The following MYOM2 variants were observed in gnomAD, a reference collection of about 807,000 sequenced individuals.
MYOM2 encodes myomesin 2.
A neutral mutation model predicts 187.6 loss-of-function variants in MYOM2; 254 were observed. The ratio of observed to expected loss-of-function variants is 1.35; its 90% CI spans 1.22 to 1.50. The LOEUF (loss-of-function observed/expected upper bound fraction) is 1.50. Ranked by LOEUF, MYOM2 falls within the 40% of genes most tolerant of loss-of-function variation. The pLI, the probability that MYOM2 is intolerant of heterozygous loss-of-function variation, is 0.00. For missense variants in MYOM2, 2,796 were observed against 1,924.0 expected, an observed-to-expected ratio of 1.45 and a Z score of -8.48; for synonymous variants, 981 against 753.8, an observed-to-expected ratio of 1.30 and a Z score of -4.94.
Position 2,050,871 on chromosome 8 carries a change from AAAGT to A in MYOM2, c.107+2_107+5del, listed in dbSNP as rs879067553. 3.1e-6 allele frequency: 5 copies of A among 1,607,740 alleles called. No individual in the cohort carries two copies. Among genetic ancestry groups the A allele is most frequent in the East Asian group, 2.2e-5 (1 of 44,610 alleles). ...ACCTGCTGGACGAATATGCGTCAAA[AAAGT>A]AAGCTGACATTCGCTGATGAGACGC... is the stretch of plus-strand genomic sequence containing the variant. On this transcript the variant is annotated splice_donor_variant and coding_sequence_variant, in exon 2 of 37. Coordinates refer to ENST00000262113, the MANE Select transcript of MYOM2 (RefSeq NM_003970.4). LOFTEE classifies it high-confidence loss of function.
intron 32 of MYOM2, among the ~76,000 whole-genome samples, chr8:2,139,112 A>G (rs1326621326): frequency 6.6e-6 from 1 of 151,180 alleles, no homozygotes; most frequent in Non-Finnish European, 1.5e-5. Flanking sequence ...CCACCACCAG[A>G]GACCGGGACG....
intron 31 of MYOM2, among the ~76,000 whole-genome samples, chr8:2,125,272 A>G (rs553279690): frequency 1.1e-4 from 17 of 152,306 alleles, no homozygotes; most frequent in Admixed American, 5.9e-4. Context: ...TCCATGTGGC[A>G]TAAGTTAAAG....
At chr8:2,140,013 C>G (rs1798219672) in intron 32 of MYOM2, among the ~76,000 whole-genome samples, 1 of 152,110 alleles carries the variant, frequency 6.6e-6, no homozygotes, top group Non-Finnish European at 1.5e-5. Flanking sequence ...CCACCACCAC[C>G]CAGGACCTTT....
intron 20 of MYOM2, chr8:2,102,331 C>G (rs1034083088): frequency 4.5e-6 from 1 of 223,646 alleles, no homozygotes; most frequent in South Asian, 1.1e-4. Context: ...AAATATCACA[C>G]TTAAAATAGT....
intron 32 of MYOM2, among the ~76,000 whole-genome samples, chr8:2,135,602 G>T (rs1166883501): frequency 6.6e-6 from 1 of 152,106 alleles, no homozygotes; most frequent in African/African-American, 2.4e-5. Flanking sequence ...GAGCAGAAAC[G>T]TGTGCTTTCT....
At chr8:2,101,131 A>G in intron 20 of MYOM2, 77 bp downstream of exon 20, 5 of 1,486,632 alleles carry the variant, frequency 3.4e-6, no homozygotes, top group Non-Finnish European at 4.6e-6. Context: ...CAATCACTTG[A>G]GGTCAGGAGT....
intron 10 of MYOM2, among the ~76,000 whole-genome samples, chr8:2,075,635 C>A (rs1205584312): frequency 2.0e-5 from 3 of 152,196 alleles, no homozygotes; most frequent in Non-Finnish European, 4.4e-5. Context: ...TGTAATTAAA[C>A]CTAATTGCAT....
intron 32 of MYOM2, among the ~76,000 whole-genome samples, chr8:2,134,955 AGGACT>A (rs963542649): frequency 6.6e-6 from 1 of 152,144 alleles, no homozygotes; most frequent in African/African-American, 2.4e-5. Flanking sequence ...CTCTGGAGAC[AGGACT>A]GGGTGATGTG....
At chr8:2,049,925 C>G (rs1026710435) in intron 1 of MYOM2, among the ~76,000 whole-genome samples, 20 of 152,260 alleles carry the variant, frequency 1.3e-4, no homozygotes, top group African/African-American at 4.6e-4. Flanking sequence ...CTCGAATTTC[C>G]CCACATCCCT....
At position 2,142,891 on chromosome 8, in the gene MYOM2, G is replaced by A. The variant is rs868812330; in HGVS notation, c.4024+494G>A. On this transcript the variant is annotated intron_variant, in intron 35 of 36. Transcript: ENST00000262113. ...CTGCCTCAACTTCCCGAGTAGCTGGGATTACAGGCACCCGCCATCATGCCC... is the reference window on the plus strand; with the variant it reads ...CTGCCTCAACTTCCCGAGTAGCTGGAATTACAGGCACCCGCCATCATGCCC... 1.4e-4 allele frequency among the ~76,000 whole-genome samples: 21 copies of A among 151,814 alleles called. 1 individual carries two copies. Among genetic ancestry groups the A allele is most frequent in the African/African-American group, 4.6e-4 (19 of 41,392 alleles).
Position 2,079,552 on chromosome 8 carries a change from C to G in MYOM2, c.1463-8C>G, listed in dbSNP as rs1440291. 383,364 of 1,611,860 alleles carry G rather than the reference C, an allele frequency of 0.24. 46,846 individuals are homozygous for G. The highest frequency in any genetic ancestry group is 0.26 in the African/African-American group (19,372 of 74,850). ...TGTCAAATCGAGTGTCAACCTTTCT[C>G]TCCGCAGCCGTTCATTTGGAGGGAG... On this transcript the variant is annotated splice_polypyrimidine_tract_variant and splice_region_variant and intron_variant, in intron 12 of 36. Coordinates refer to ENST00000262113, the MANE Select transcript of MYOM2 (RefSeq NM_003970.4).
At chr8:2,075,834 G>A (rs766107821) in intron 10 of MYOM2, among the ~76,000 whole-genome samples, 1 of 152,170 alleles carries the variant, frequency 6.6e-6, no homozygotes, top group East Asian at 1.9e-4. Flanking sequence ...TTTTGCCAAC[G>A]TGCCGTTATG....
At chr8:2,133,604 G>C (rs1055554124) in intron 32 of MYOM2, among the ~76,000 whole-genome samples, 1 of 152,026 alleles carries the variant, frequency 6.6e-6, no homozygotes, top group Non-Finnish European at 1.5e-5. Context: ...GGGTTTACAG[G>C]CATGCGCCAC....
rs1244591125 is a variant in MYOM2, at chr8:2,079,573, G to A, written c.1476G>A (p.Glu492=). ...TTCTCTCCGCAGCCGTTCATTTGGAGGGAGAGAAGGAGATTGCCATTTATC... is the reference window on the plus strand; with the variant it reads ...TTCTCTCCGCAGCCGTTCATTTGGAAGGAGAGAAGGAGATTGCCATTTATC... ...DLRRLQAVHL[E]GEKEIAIYQD... is the part of the protein sequence containing the mutation. The change falls in exon 13 of 37, where the codon GAG becomes GAA. Residue 492 remains glutamate, a synonymous_variant. Coordinates refer to ENST00000262113, the MANE Select transcript of MYOM2 (RefSeq NM_003970.4). The A allele has an allele frequency of 5.0e-6, 8 of 1,614,170 alleles. No homozygotes were observed. The highest frequency in any genetic ancestry group is 1.3e-5 in the African/African-American group (1 of 75,042).
At chr8:2,136,249 G>C (rs1055794680) in intron 32 of MYOM2, among the ~76,000 whole-genome samples, 1 of 152,234 alleles carries the variant, frequency 6.6e-6, no homozygotes, top group Admixed American at 6.5e-5. Flanking sequence ...GCCCAGGGAA[G>C]GGTAGCGTCC....
chr8:2,085,151 G>A, intron 13 of MYOM2, 112 bp from the exon 14 acceptor site: 4 of 1,364,338 alleles, frequency 2.9e-6, no homozygotes, highest in Non-Finnish European at 3.0e-6. Context: ...TCCCCAAATA[G>A]AAACAAAACA....
At chr8:2,109,633 T>C (rs1797004117) in intron 25 of MYOM2, 102 bp downstream of exon 25, 1 of 1,292,632 alleles carries the variant, frequency 7.7e-7, no homozygotes, top group Middle Eastern at 2.1e-4. Flanking sequence ...TTCCATCCTT[T>C]TCTGAGCCTT....
Position 2,142,391 on chromosome 8 carries a change from G to A in MYOM2, c.4018G>A (p.Glu1340Lys). The A allele has an allele frequency of 6.2e-7, 1 of 1,613,854 alleles. No homozygotes were observed. The highest frequency in any genetic ancestry group is 8.5e-7 in the Non-Finnish European group (1 of 1,179,726). The change falls in exon 35 of 37, where the codon GAG becomes AAG. Residue 1340 changes from glutamate to lysine, a missense_variant. Coordinates refer to ENST00000262113, the MANE Select transcript of MYOM2 (RefSeq NM_003970.4). ...AACTTTTAGAGCTGCTGCTTTTGCA[G>A]AGAAGAGTAAGTACCTGTTGGATTG... is the stretch of plus-strand genomic sequence containing the variant. ...FQQFKAAAFA[E>K]KNRGRLIGGL...
chr8:2,122,645 T>C (rs996450128), intron 28 of MYOM2, among the ~76,000 whole-genome samples: 1 of 152,220 alleles, frequency 6.6e-6, no homozygotes, highest in Non-Finnish European at 1.5e-5. Flanking sequence ...CCATGCTGAA[T>C]CAGAATTCTT....
Sources: allele counts gnomAD v4.1 joint callset (sites outside exome capture counted in the v4.1 genomes callset), GRCh38; gene constraint gnomAD v4.1.1; transcripts MANE v1.5; gene names NCBI Gene and HGNC (gene_info 2026-07-23, HGNC 2026-07-21).